Variants in CDH12 observed in about 807,000 individuals in gnomAD.
CDH12 encodes the protein cadherin 12.
In CDH12, 41 loss-of-function variants were observed where a neutral mutation model predicts 74.1. The observed-to-expected ratio is 0.55, with a 90% CI of 0.43 to 0.72. CDH12 has a LOEUF of 0.72. CDH12 is among the 30% of genes least tolerant of loss of function. The probability of loss-of-function intolerance (pLI) is 0.00; values close to 1 mark genes in which losing one functional copy is unlikely to be tolerated. For synonymous variants in CDH12, 399 were observed against 355.0 expected, an observed-to-expected ratio of 1.12 and a Z score of -1.39; for missense variants, 945 against 977.2, an observed-to-expected ratio of 0.97 and a Z score of 0.44.
At chr5:21,924,029 T>A (rs1289298567) in intron 6 of CDH12, among the ~76,000 whole-genome samples, 3 of 152,192 alleles carry the variant, frequency 2.0e-5, no homozygotes, top group Non-Finnish European at 4.4e-5. Context: ...GTCTCCTTCC[T>A]CTAGGTACTA....
intron 1 of CDH12, among the ~76,000 whole-genome samples, chr5:22,525,907 A>G (rs568530019): frequency 6.6e-6 from 1 of 152,320 alleles, no homozygotes; most frequent in South Asian, 2.1e-4. Flanking sequence ...CCAAATCATG[A>G]CCTAAATGAG....
chr5:22,348,365 G>T (rs1479813228), intron 3 of CDH12, among the ~76,000 whole-genome samples: 4 of 152,148 alleles, frequency 2.6e-5, no homozygotes, highest in African/African-American at 9.7e-5. Context: ...CATTTATTTT[G>T]AATGTCGGAA....
chr5:22,839,796 T>C (rs968753843), intron 1 of CDH12, among the ~76,000 whole-genome samples: 27 of 152,234 alleles, frequency 1.8e-4, no homozygotes, highest in African/African-American at 6.0e-4. Flanking sequence ...AATTTCATTG[T>C]AGTTTGTAAA....
intron 4 of CDH12, among the ~76,000 whole-genome samples, chr5:22,210,073 T>C (rs2150361429): frequency 7.1e-6 from 1 of 141,662 alleles, no homozygotes; most frequent in Admixed American, 7.3e-5. Context: ...TATTCATATA[T>C]AAAAAGTTTA....
chr5:22,766,168 G>A (rs1014369023), intron 1 of CDH12, among the ~76,000 whole-genome samples: 19 of 151,968 alleles, frequency 1.3e-4, no homozygotes, highest in African/African-American at 3.4e-4. Flanking sequence ...CAATAATTGT[G>A]AGAATGTAAA....
intron 3 of CDH12, among the ~76,000 whole-genome samples, chr5:22,263,058 A>G (rs947622265): frequency 6.6e-6 from 1 of 152,044 alleles, no homozygotes; most frequent in African/African-American, 2.4e-5. Context: ...AAAAGAAGAC[A>G]TTTATGCAGC....
chr5:22,349,693 G>T, intron 3 of CDH12, among the ~76,000 whole-genome samples: 1 of 152,018 alleles, frequency 6.6e-6, no homozygotes, highest in East Asian at 1.9e-4. Flanking sequence ...ATTTTCACTT[G>T]CATGTCAGTG....
chr5:21,838,145 C>T (rs753077872), intron 8 of CDH12, among the ~76,000 whole-genome samples: 1 of 152,106 alleles, frequency 6.6e-6, no homozygotes, highest in Non-Finnish European at 1.5e-5. Context: ...AGTTATTATT[C>T]TTTATAGGCC....
chr5:21,883,891 G>A (rs1324776954), intron 6 of CDH12: 12 of 1,606,046 alleles, frequency 7.5e-6, no homozygotes, highest in South Asian at 3.3e-5. Context: ...GCTGTTGAAG[G>A]AGGCATTGTT....
intron 1 of CDH12, among the ~76,000 whole-genome samples, chr5:22,770,054 A>AT (rs1217486029): frequency 6.7e-6 from 1 of 149,652 alleles, no homozygotes; most frequent in Non-Finnish European, 1.5e-5. Context: ...TTTTTTTTTC[A>AT]TTTTTTCTAT....
intron 2 of CDH12, among the ~76,000 whole-genome samples, chr5:22,436,108 G>T (rs1744375854): frequency 6.6e-6 from 1 of 151,688 alleles, no homozygotes; most frequent in Non-Finnish European, 1.5e-5. Context: ...ATGAGTTAAT[G>T]TCCTTTGCAG....
intron 3 of CDH12, among the ~76,000 whole-genome samples, chr5:22,323,812 C>T (rs1178520607): frequency 6.6e-6 from 1 of 152,086 alleles, no homozygotes; most frequent in Non-Finnish European, 1.5e-5. Flanking sequence ...GGAGAAGGAA[C>T]ATGTTATACA....
At chr5:22,152,588 A>G (rs563242856) in intron 4 of CDH12, among the ~76,000 whole-genome samples, 1 of 152,330 alleles carries the variant, frequency 6.6e-6, no homozygotes, top group African/African-American at 2.4e-5. Context: ...AATCCAGCTA[A>G]TTAACATAGG....
intron 4 of CDH12, among the ~76,000 whole-genome samples, chr5:22,093,696 T>C (rs1743572245): frequency 6.6e-6 from 1 of 152,120 alleles, no homozygotes; most frequent in Non-Finnish European, 1.5e-5. Flanking sequence ...CATATTGTGG[T>C]GATGGTTGCA....
At chr5:21,979,304 A>G (rs1757205760) in intron 5 of CDH12, among the ~76,000 whole-genome samples, 2 of 152,194 alleles carry the variant, frequency 1.3e-5, no homozygotes, top group Admixed American at 1.3e-4. Flanking sequence ...CTCCCCAGAA[A>G]AAGAGTTCTA....
chr5:22,543,719 T>G (rs1451191085), intron 1 of CDH12, among the ~76,000 whole-genome samples: 3 of 152,188 alleles, frequency 2.0e-5, no homozygotes, highest in Non-Finnish European at 4.4e-5. Flanking sequence ...ACAGTGATCT[T>G]ACATTTAAAT....
intron 4 of CDH12, among the ~76,000 whole-genome samples, chr5:22,127,408 C>T (rs375646037): frequency 4.8e-5 from 7 of 147,224 alleles, no homozygotes; most frequent in African/African-American, 1.3e-4. Flanking sequence ...ACCTGGGAGG[C>T]GGAGGTTGCA....
chr5:22,414,230 T>C (rs1416794656), intron 2 of CDH12, among the ~76,000 whole-genome samples: 2 of 151,988 alleles, frequency 1.3e-5, no homozygotes, highest in East Asian at 3.9e-4. Context: ...TGAATGTACA[T>C]GAATTCAATT....
intron 5 of CDH12, among the ~76,000 whole-genome samples, chr5:22,027,252 C>A (rs1738427657): frequency 6.6e-6 from 1 of 152,184 alleles, no homozygotes; most frequent in Admixed American, 6.5e-5. Context: ...CAATGTTCAT[C>A]AAGGATATTG....
Sources: allele counts gnomAD v4.1 joint callset (sites outside exome capture counted in the v4.1 genomes callset), GRCh38; gene constraint gnomAD v4.1.1; transcripts MANE v1.5; gene names NCBI Gene and HGNC (gene_info 2026-07-23, HGNC 2026-07-21).